The following ACBD6 variants were observed in gnomAD, a reference collection of about 807,000 sequenced individuals.
ACBD6 encodes the protein acyl-CoA-binding domain-containing protein 6.
In ACBD6, 28 loss-of-function variants were observed where a neutral mutation model predicts 37.2. The ratio of observed to expected loss-of-function variants is 0.75; its 90% CI spans 0.56 to 1.03. ACBD6 has a LOEUF of 1.03. Ranked by LOEUF, ACBD6 falls within the 50% of genes least tolerant of loss-of-function variation. The probability of loss-of-function intolerance (pLI) is 0.00; values close to 1 mark genes in which losing one functional copy is unlikely to be tolerated. For synonymous variants in ACBD6, 113 were observed against 126.8 expected, an observed-to-expected ratio of 0.89 and a Z score of 0.73; for missense variants, 340 against 337.4, an observed-to-expected ratio of 1.01 and a Z score of -0.06.
chr1:180,359,367 CT>C (rs772949262), intron 6 of ACBD6, among the ~76,000 whole-genome samples: 1 of 151,842 alleles, frequency 6.6e-6, no homozygotes, highest in South Asian at 2.1e-4. Flanking sequence ...TTTGGCCCCC[CT>C]CTATCGCTAT....
At chr1:180,405,057 T>G (rs1399703297) in intron 5 of ACBD6, among the ~76,000 whole-genome samples, 2 of 152,218 alleles carry the variant, frequency 1.3e-5, no homozygotes, top group Admixed American at 6.5e-5. Context: ...ATTAACATCT[T>G]AATCAACTAT....
chr1:180,418,913 A>G (rs749562721), intron 4 of ACBD6, among the ~76,000 whole-genome samples: 2 of 152,364 alleles, frequency 1.3e-5, no homozygotes, highest in Non-Finnish European at 2.9e-5. Context: ...CCTTCAAAAC[A>G]AAGTACTTAA....
chr1:180,385,511 C>G (rs1018548561), intron 6 of ACBD6, among the ~76,000 whole-genome samples: 1 of 151,380 alleles, frequency 6.6e-6, no homozygotes, highest in Non-Finnish European at 1.5e-5. Flanking sequence ...TATGTTGAAG[C>G]CCTAACACTC....
intron 10 of ACBD6, chr1:180,274,623 A>C (rs763403197): frequency 6.6e-7 from 1 of 1,512,852 alleles, no homozygotes; most frequent in South Asian, 1.3e-5. Context: ...GCTTGAGAGA[A>C]TATCTTCAAG....
intron 7 of ACBD6, among the ~76,000 whole-genome samples, chr1:180,291,745 A>C (rs973800105): frequency 2.0e-5 from 3 of 151,892 alleles, no homozygotes; most frequent in African/African-American, 7.3e-5. Context: ...CTTGTGTTCC[A>C]TCTAAAAAAA....
chr1:180,274,515 G>T lies in ACBD6; in HGVS notation c.*936+136C>A. 1.9e-6 allele frequency: 3 copies of T among 1,609,890 alleles called. No individual in the cohort carries two copies. The highest frequency in any genetic ancestry group is 2.5e-6 in the Non-Finnish European group (3 of 1,178,036). ...GACATCTCCACAGGAAGCAGTGTAG[G>T]CTATCCCGACTTTCCAACTAGCCCA... On this transcript the variant is annotated intron_variant, in intron 10 of 13. Transcript: ENST00000642319.
At chr1:180,412,928 G>A (rs943058229) in intron 5 of ACBD6, among the ~76,000 whole-genome samples, 2 of 152,052 alleles carry the variant, frequency 1.3e-5, no homozygotes, top group Admixed American at 6.6e-5. Context: ...CCTTTAATTA[G>A]TAGGCCAGCA....
chr1:180,384,428 G>A (rs187381976), intron 6 of ACBD6, among the ~76,000 whole-genome samples: 31 of 152,048 alleles, frequency 2.0e-4, no homozygotes, highest in Middle Eastern at 3.4e-3. Context: ...TAATCATCAG[G>A]GAAATGTAAA....
chr1:180,423,256 C>T (rs1648447019), intron 4 of ACBD6, among the ~76,000 whole-genome samples: 1 of 152,130 alleles, frequency 6.6e-6, no homozygotes, highest in Admixed American at 6.5e-5. Flanking sequence ...ATAAGTGGAC[C>T]TATGCAGTCA....
At chr1:180,447,248 T>C (rs997531855) in intron 3 of ACBD6, among the ~76,000 whole-genome samples, 1 of 152,180 alleles carries the variant, frequency 6.6e-6, no homozygotes, top group Non-Finnish European at 1.5e-5. Flanking sequence ...GCTAACACAT[T>C]TTTTAAAGAT....
intron 5 of ACBD6, among the ~76,000 whole-genome samples, chr1:180,409,623 G>A (rs957995894): frequency 6.6e-6 from 1 of 152,128 alleles, no homozygotes; most frequent in Non-Finnish European, 1.5e-5. Flanking sequence ...TTGTTTTGGA[G>A]TGCTACAAAC....
rs747140246 is a variant in ACBD6, at chr1:180,272,003, C to G, written c.*1254-32G>C. 10 of 1,611,750 alleles carry G rather than the reference C, an allele frequency of 6.2e-6. No individual in the cohort carries two copies. The highest frequency in any genetic ancestry group is 8.5e-6 in the Non-Finnish European group (10 of 1,179,374). The stretch of plus-strand genomic sequence containing the variant: ...GGTTAGTGACAGTGAGCTGAGCTTC[C>G]GAGGTGAGCAGGGCTGGAGGGGCCA... On this transcript the variant is annotated intron_variant, in intron 13 of 13. Transcript: ENST00000642319.
At chr1:180,429,928 T>C (rs987677092) in intron 4 of ACBD6, among the ~76,000 whole-genome samples, 1 of 152,166 alleles carries the variant, frequency 6.6e-6, no homozygotes, top group Non-Finnish European at 1.5e-5. Flanking sequence ...TTCAGACTTA[T>C]CTGGCACTGG....
In ACBD6 at chr1:180,421,804, T is replaced by C. The variant is rs145396577; in HGVS notation, c.468-8333A>G. Among the ~76,000 whole-genome samples, 272 of 152,310 alleles carry C rather than the reference T, an allele frequency of 1.8e-3. 1 individual carries two copies. Among genetic ancestry groups the C allele is most frequent in the African/African-American group, 6.3e-3 (261 of 41,568 alleles). ...TTTTTTCACATGTTTGTTGGCTGCA[T>C]GTACATCTTCTTTTGAAAAGTGTCT... On this transcript the variant is annotated intron_variant, in intron 4 of 7. Coordinates refer to ENST00000367595, the MANE Select transcript of ACBD6 (RefSeq NM_032360.4).
At chr1:180,456,282 A>G (rs1649921224) in intron 3 of ACBD6, among the ~76,000 whole-genome samples, 1 of 152,112 alleles carries the variant, frequency 6.6e-6, no homozygotes, top group Non-Finnish European at 1.5e-5. Context: ...TAAAAGCCAA[A>G]CCCTCAAAAA....
rs1224724300 is a variant in ACBD6, at chr1:180,343,367, T to G, written c.664-28645A>C. On this transcript the variant is annotated intron_variant, in intron 6 of 7. Coordinates refer to ENST00000367595, the MANE Select transcript of ACBD6 (RefSeq NM_032360.4). ...AAAATAATATACAAAGTTTAAAGAC[T>G]CAGATTCTCAAACAAGGAAAGGCAA... Among the ~76,000 whole-genome samples, 4 of 152,088 alleles carry G rather than the reference T, an allele frequency of 2.6e-5. No homozygotes were observed. In the East Asian group the frequency reaches 7.7e-4, roughly 29 times the overall value.
At chr1:180,342,330 GTATGCGTC>G (rs1652013334) in intron 6 of ACBD6, among the ~76,000 whole-genome samples, 1 of 152,102 alleles carries the variant, frequency 6.6e-6, no homozygotes, top group Non-Finnish European at 1.5e-5. Context: ...TGAATTGTTT[GTATGCGTC>G]TAAGCACTTT....
chr1:180,406,546 T>C (rs969878426), intron 5 of ACBD6, among the ~76,000 whole-genome samples: 6 of 152,154 alleles, frequency 3.9e-5, no homozygotes, highest in Non-Finnish European at 7.4e-5. Flanking sequence ...TATTTGTTCA[T>C]ATACAATACT....
chr1:180,413,168 A>G (rs1647930619), intron 5 of ACBD6, among the ~76,000 whole-genome samples, 198 bp downstream of exon 5: 1 of 152,210 alleles, frequency 6.6e-6, no homozygotes, highest in Admixed American at 6.5e-5. Context: ...AGTAACTTCT[A>G]AAACACAGAT....
Sources: allele counts gnomAD v4.1 joint callset (sites outside exome capture counted in the v4.1 genomes callset), GRCh38; gene constraint gnomAD v4.1.1; transcripts MANE v1.5; gene names NCBI Gene and HGNC (gene_info 2026-07-23, HGNC 2026-07-21).